The following CPEB4 variants were observed in gnomAD, a reference collection of about 807,000 sequenced individuals.
CPEB4 encodes cytoplasmic polyadenylation element-binding protein 4.
Under a neutral mutation model 72.5 loss-of-function variants are expected in CPEB4, and 12 were observed. That is an observed-to-expected ratio of 0.17 (90% CI 0.11 to 0.27). CPEB4 has a LOEUF of 0.27. Ranked by LOEUF, CPEB4 falls within the 10% of genes least tolerant of loss-of-function variation. The pLI is 1.00. For synonymous variants in CPEB4, 302 were observed against 326.3 expected, an observed-to-expected ratio of 0.93 and a Z score of 0.80; for missense variants, 614 against 908.5, an observed-to-expected ratio of 0.68 and a Z score of 4.17.
intron 1 of CPEB4, among the ~76,000 whole-genome samples, chr5:173,896,459 C>T (rs564843712): frequency 6.6e-6 from 1 of 151,954 alleles, no homozygotes; most frequent in South Asian, 2.1e-4. Flanking sequence ...TTTAAGTTTT[C>T]AAAAAATACT....
At chr5:173,927,093 G>C (rs1339040295) in intron 2 of CPEB4, among the ~76,000 whole-genome samples, 1 of 152,180 alleles carries the variant, frequency 6.6e-6, no homozygotes, top group Non-Finnish European at 1.5e-5. Flanking sequence ...GGAGGTTGCA[G>C]TGAGCCAAGA....
At chr5:173,948,828 T>G (rs866336507) in intron 5 of CPEB4, among the ~76,000 whole-genome samples, 3 of 152,116 alleles carry the variant, frequency 2.0e-5, no homozygotes, top group African/African-American at 7.2e-5. Context: ...GTGAAGGGTC[T>G]CTCCAGAGCC....
intron 1 of CPEB4, among the ~76,000 whole-genome samples, chr5:173,905,101 G>A (rs1039722261): frequency 6.6e-6 from 1 of 151,746 alleles, no homozygotes; most frequent in Non-Finnish European, 1.5e-5. Context: ...CTTAGTAGAT[G>A]CTCAATAAAG....
intron 8 of CPEB4, 116 bp downstream of exon 8, chr5:173,952,054 C>A: frequency 2.9e-6 from 2 of 699,698 alleles, no homozygotes; most frequent in Non-Finnish European, 2.5e-6. Flanking sequence ...GTTCTAGAAT[C>A]AAAATATCTG....
chr5:173,938,702 A>T (rs1757718991), intron 3 of CPEB4, among the ~76,000 whole-genome samples: 1 of 152,200 alleles, frequency 6.6e-6, no homozygotes, highest in Non-Finnish European at 1.5e-5. Context: ...CCACTAAAAC[A>T]TAGTAATATC....
At chr5:173,919,604 A>G (rs1295811094) in intron 2 of CPEB4, among the ~76,000 whole-genome samples, 1 of 152,192 alleles carries the variant, frequency 6.6e-6, no homozygotes, top group East Asian at 1.9e-4. Flanking sequence ...GCTTAATAAA[A>G]AAGCCCTTTG....
intron 8 of CPEB4, among the ~76,000 whole-genome samples, chr5:173,952,605 T>C (rs1758249603): frequency 6.6e-6 from 1 of 151,704 alleles, no homozygotes; most frequent in Non-Finnish European, 1.5e-5. Flanking sequence ...GAAAAATTGG[T>C]GAACTGACTG....
At chr5:173,917,464 T>A (rs1038034785) in intron 2 of CPEB4, among the ~76,000 whole-genome samples, 1 of 152,248 alleles carries the variant, frequency 6.6e-6, no homozygotes, top group Non-Finnish European at 1.5e-5. Context: ...CTGGGCGTGG[T>A]GGCTCACGCC....
intron 2 of CPEB4, among the ~76,000 whole-genome samples, chr5:173,919,583 C>G (rs926244402): frequency 6.6e-6 from 1 of 152,130 alleles, no homozygotes; most frequent in Non-Finnish European, 1.5e-5. Flanking sequence ...ACAAAAACAG[C>G]CCAAATATCT....
chr5:173,952,492 A>G (rs540533540), intron 8 of CPEB4, among the ~76,000 whole-genome samples: 11 of 152,346 alleles, frequency 7.2e-5, no homozygotes, highest in Non-Finnish European at 1.3e-4. Flanking sequence ...GTTTAATAAT[A>G]TACATGAGAT....
chr5:173,918,833 G>A (rs1016087808), intron 2 of CPEB4, among the ~76,000 whole-genome samples: 1 of 152,096 alleles, frequency 6.6e-6, no homozygotes, highest in Non-Finnish European at 1.5e-5. Context: ...CATGATGTGG[G>A]TCCGTAATTA....
At chr5:173,930,229 T>C (rs1293297400) in intron 2 of CPEB4, among the ~76,000 whole-genome samples, 1 of 152,156 alleles carries the variant, frequency 6.6e-6, no homozygotes, top group Non-Finnish European at 1.5e-5. Flanking sequence ...GGCTAATTTT[T>C]GTATTTTGTA....
chr5:173,947,212 T>C (rs1025417147), intron 5 of CPEB4, among the ~76,000 whole-genome samples: 3 of 152,228 alleles, frequency 2.0e-5, no homozygotes, highest in African/African-American at 7.2e-5. Flanking sequence ...CTCATTAGTG[T>C]CCAAATGTAT....
rs562605080 is a variant in CPEB4 at position 173,925,751 on chromosome 5, A to G, written c.1208-6699A>G. ...GGAGGACTACCTCCTTTAAAATATT[A>G]CTTATGACGGTATAGTTTTGATTTA... On this transcript the variant is annotated intron_variant, in intron 2 of 9. Transcript: ENST00000265085. 1.1e-4 allele frequency among the ~76,000 whole-genome samples: 17 copies of G among 152,330 alleles called. No homozygotes were observed. The South Asian group carries it at 3.1e-3, about 28-fold the overall frequency.
intron 1 of CPEB4, among the ~76,000 whole-genome samples, chr5:173,899,989 C>T (rs1021996245): frequency 2.6e-5 from 4 of 151,652 alleles, no homozygotes; most frequent in African/African-American, 7.3e-5. Flanking sequence ...GGATGGGGGT[C>T]GGGGGGTGTT....
chr5:173,924,351 T>C (rs1424572602), intron 2 of CPEB4, among the ~76,000 whole-genome samples: 1 of 152,238 alleles, frequency 6.6e-6, no homozygotes, highest in African/African-American at 2.4e-5. Flanking sequence ...GGTTTTGTTC[T>C]TTTCTCTCTT....
At chr5:173,943,249 G>A (rs1422818869) in intron 4 of CPEB4, among the ~76,000 whole-genome samples, 200 bp downstream of exon 4, 1 of 152,032 alleles carries the variant, frequency 6.6e-6, no homozygotes, top group Non-Finnish European at 1.5e-5. Flanking sequence ...GCAGAATGGT[G>A]GGATTTGGAT....
rs79346383 is a variant in CPEB4 at position 173,940,366 on chromosome 5, T to C, written c.1259-2660T>C. ...TTTTTAACTTACACTTCCTCGGATA[T>C]TTGAGAAACATCAAATAACAGGCAA... On this transcript the variant is annotated intron_variant, in intron 3 of 9. Transcript: ENST00000265085. Among the ~76,000 whole-genome samples the C allele has an allele frequency of 6.5e-3, 987 of 152,326 alleles. 8 individuals carry two copies. The highest frequency in any genetic ancestry group is 0.023 in the African/African-American group (955 of 41,566).
intron 3 of CPEB4, among the ~76,000 whole-genome samples, chr5:173,938,570 C>G (rs1442562791): frequency 7.2e-5 from 11 of 152,120 alleles, no homozygotes; most frequent in Admixed American, 7.2e-4. Context: ...CTGAGCTACA[C>G]CCCCCTTTTT....
Sources: gnomAD v4.1 joint callset for allele counts (sites outside exome capture counted in the v4.1 genomes callset) on GRCh38, gnomAD v4.1.1 for gene constraint, MANE v1.5 for transcripts, NCBI Gene and HGNC (gene_info 2026-07-23, HGNC 2026-07-21) for gene names.